The following RYR2 variants were observed in gnomAD, a reference collection of about 807,000 sequenced individuals.
RYR2 encodes the protein cardiac muscle ryanodine receptor-calcium release channel.
Under a neutral mutation model 601.1 loss-of-function variants are expected in RYR2, and 227 were observed. That is an observed-to-expected ratio of 0.38 (90% CI 0.34 to 0.42). The LOEUF is 0.42. Ranked by LOEUF, RYR2 falls within the 10% of genes least tolerant of loss-of-function variation. The probability of loss-of-function intolerance (pLI) is 1.00; values close to 1 mark genes in which losing one functional copy is unlikely to be tolerated. For synonymous variants in RYR2, 2,223 were observed against 2,175.1 expected (o/e 1.02, Z -0.61); for missense variants, 4,646 against 6,156.5 (o/e 0.75, Z 8.21).
chr1:237,476,783 TAGAA>T (rs1220534056), intron 17 of RYR2, among the ~76,000 whole-genome samples: 2 of 152,178 alleles, frequency 1.3e-5, no homozygotes, highest in Admixed American at 6.5e-5. Flanking sequence ...GCAATTGAAT[TAGAA>T]AGAACAAGAG....
intron 73 of RYR2, 143 bp from the exon 74 acceptor site, chr1:237,722,980 TACATA>T (rs1196305078): frequency 1.3e-5 from 8 of 627,966 alleles, no homozygotes; most frequent in Non-Finnish European, 1.9e-5. Flanking sequence ...CTGTTCATCC[TACATA>T]ACTGCAGCTG....
intron 100 of RYR2, among the ~76,000 whole-genome samples, chr1:237,818,603 C>T (rs1574078202): frequency 6.6e-6 from 1 of 151,958 alleles, no homozygotes; most frequent in East Asian, 1.9e-4. Flanking sequence ...AGTATGTTTT[C>T]TTCTAGCTTA....
intron 1 of RYR2, among the ~76,000 whole-genome samples, chr1:237,072,096 T>A (rs975561005): frequency 2.0e-5 from 3 of 152,308 alleles, no homozygotes; most frequent in Admixed American, 1.3e-4. Context: ...TGGAGCCATA[T>A]CCAGGTGGCT....
chr1:237,530,581 G>A, intron 25 of RYR2, 71 bp downstream of exon 25: 2 of 1,148,354 alleles, frequency 1.7e-6, no homozygotes, highest in African/African-American at 1.5e-5. Context: ...ACTCTTGATG[G>A]ACACACAGAT....
At chr1:237,350,470 C>T (rs1022638815) in intron 3 of RYR2, among the ~76,000 whole-genome samples, 2 of 145,106 alleles carry the variant, frequency 1.4e-5, no homozygotes, top group African/African-American at 5.1e-5. Flanking sequence ...ACTCGGGAGG[C>T]TGAGGCAGGA....
chr1:237,728,220 G>A (rs986992009), intron 76 of RYR2, among the ~76,000 whole-genome samples: 2 of 152,112 alleles, frequency 1.3e-5, no homozygotes, highest in African/African-American at 2.4e-5. Context: ...AAAACAAATA[G>A]AGGAAACATC....
In RYR2 at chr1:237,503,334, T is replaced by A. The variant is rs1406985020; in HGVS notation, c.2442T>A (p.Leu814=). The change falls in exon 22 of 105, where the codon CTT becomes CTA. Residue 814 remains leucine (L), a synonymous_variant. Transcript: ENST00000366574. ...LGGRHGEFKF[L]PPPGYAPCYE... ...GGCGACATGGAGAATTCAAATTTCT[T>A]CCTCCACCTGGGTATGCTCCTTGTT... 10 of 1,613,600 alleles carry A rather than the reference T, an allele frequency of 6.2e-6. No individual in the cohort carries two copies. The highest frequency in any genetic ancestry group is 1.3e-5 in the African/African-American group (1 of 74,884).
At chr1:237,732,511 A>G (rs994417454) in intron 78 of RYR2, among the ~76,000 whole-genome samples, 4 of 152,158 alleles carry the variant, frequency 2.6e-5, no homozygotes, top group African/African-American at 9.7e-5. Flanking sequence ...GGTGGCCCCA[A>G]ATTTTCTGGG....
At chr1:237,123,883 G>A (rs1383653805) in intron 1 of RYR2, among the ~76,000 whole-genome samples, 2 of 151,806 alleles carry the variant, frequency 1.3e-5, no homozygotes, top group Admixed American at 1.3e-4. Flanking sequence ...TAGCCAGGAT[G>A]GTCTCGATCT....
Position 237,220,293 on chromosome 1 carries a change from T to C in RYR2, c.49-50204T>C, listed in dbSNP as rs532918806. ...TCTGTCTCCCTTCTGAGCAGGTCAC[T>C]TTTTCTCCTCCGGCCTTTGGACATC... On this transcript the variant is annotated intron_variant, in intron 1 of 104. Coordinates refer to ENST00000366574, the MANE Select transcript of RYR2 (RefSeq NM_001035.3). Among the ~76,000 whole-genome samples, 151 of 152,336 alleles carry C rather than the reference T, an allele frequency of 9.9e-4. 1 individual carries two copies. The highest frequency in any genetic ancestry group is 3.5e-3 in the African/African-American group (147 of 41,588).
intron 79 of RYR2, among the ~76,000 whole-genome samples, chr1:237,736,029 C>G (rs1229542819): frequency 6.6e-6 from 1 of 152,178 alleles, no homozygotes; most frequent in East Asian, 1.9e-4. Flanking sequence ...AAATTTTACT[C>G]TTCCTATGAG....
At chr1:237,390,811 T>C (rs1702314394) in intron 10 of RYR2, among the ~76,000 whole-genome samples, 1 of 152,200 alleles carries the variant, frequency 6.6e-6, no homozygotes. Flanking sequence ...ATGTTGATAA[T>C]TTCAGTTCAA....
rs543243714 is a variant in RYR2, at chr1:237,308,056, G to A, written c.169-22822G>A. 6.6e-5 allele frequency among the ~76,000 whole-genome samples: 10 copies of A among 152,164 alleles called. No homozygotes were observed. The South Asian group carries it at 8.3e-4, about 13-fold the overall frequency. On this transcript the variant is annotated intron_variant, in intron 2 of 104. Coordinates refer to ENST00000366574, the MANE Select transcript of RYR2 (RefSeq NM_001035.3). ...GGAAAATGAGGCCGGAACTTGCTGC[G>A]CTGCATTCTCATAAAGTCAGGCATT...
chr1:237,483,748 C>G (rs1001540029), intron 17 of RYR2, among the ~76,000 whole-genome samples: 1 of 152,102 alleles, frequency 6.6e-6, no homozygotes, highest in African/African-American at 2.4e-5. Context: ...TCTTTTTACT[C>G]GTTATGTCAC....
rs2149314406 is a variant in RYR2, at chr1:237,771,993, A to T, written c.11558-19A>T. 1.4e-6 allele frequency: 2 copies of T among 1,412,186 alleles called. No homozygotes were observed. Among genetic ancestry groups the T allele is most frequent in the Non-Finnish European group, 2.0e-6 (2 of 1,021,772 alleles). The allele number at this position is 1,412,186 out of a possible 1,614,324, so 87.5% of individuals were successfully genotyped here. On this transcript the variant is annotated intron_variant, in intron 85 of 104. Coordinates refer to ENST00000366574, the MANE Select transcript of RYR2 (RefSeq NM_001035.3). ...GAACTTCTGAGCAAGCATTAATAAC[A>T]TTTTTTTATCTTGCATAGATTTTCA...
chr1:237,735,200 G>A lies in RYR2; in HGVS notation c.11091+1444G>A, dbSNP rs557929409. ...TAAGCAGAGTAAGAACAGCTTCTGC[G>A]GTTTGTGGAGAGGGGCCATGGAGTG... On this transcript the variant is annotated intron_variant, in intron 79 of 104. Transcript: ENST00000366574. 3.7e-4 allele frequency among the ~76,000 whole-genome samples: 57 copies of A among 152,260 alleles called. 1 individual carries two copies. Among genetic ancestry groups the A allele is most frequent in the African/African-American group, 1.2e-3 (49 of 41,556 alleles).
At chr1:237,711,945 A>G in intron 71 of RYR2, 108 bp downstream of exon 71, 1 of 660,618 alleles carries the variant, frequency 1.5e-6, no homozygotes, top group South Asian at 1.8e-5. Context: ...AATCTGACAG[A>G]TTTGGTAATG....
intron 1 of RYR2, among the ~76,000 whole-genome samples, chr1:237,055,023 C>A (rs1402389212): frequency 2.0e-5 from 3 of 152,168 alleles, no homozygotes; most frequent in African/African-American, 7.2e-5. Context: ...GACAGTTTCC[C>A]ACTGTTGCTG....
Position 237,705,092 on chromosome 1 carries a change from G to C in RYR2, c.9450-121G>C, listed in dbSNP as rs376396439. On this transcript the variant is annotated intron_variant, in intron 66 of 104. Transcript: ENST00000366574. ...TTTAGCAATACAGAAATTGGATTTG[G>C]GAGTTAATTTTATTAGGACCAATAT... 6.5e-4 allele frequency: 513 copies of C among 794,322 alleles called. 2 individuals carry two copies. The African/African-American group carries it at 7.6e-3, about 12-fold the overall frequency. The allele number at this position is 794,322 out of a possible 1,614,324, so 49.2% of individuals were successfully genotyped here. A position where few individuals can be genotyped will look rare whatever the true frequency, so the allele number is the denominator to read the frequency against.
Sources: gnomAD v4.1 joint callset for allele counts (sites outside exome capture counted in the v4.1 genomes callset) on GRCh38, gnomAD v4.1.1 for gene constraint, MANE v1.5 for transcripts, NCBI Gene and HGNC (gene_info 2026-07-23, HGNC 2026-07-21) for gene names.